SPOCK3: variants seen among roughly 807,000 people sequenced by gnomAD.
SPOCK3 encodes the protein testican-3.
In SPOCK3, 30 loss-of-function variants were observed where a neutral mutation model predicts 56.6. That is an observed-to-expected ratio of 0.53 (90% CI 0.40 to 0.72). The LOEUF (loss-of-function observed/expected upper bound fraction) is 0.72. Ranked by LOEUF, SPOCK3 falls within the 30% of genes least tolerant of loss-of-function variation. SPOCK3 has a pLI of 0.00. For missense variants in SPOCK3, 527 were observed against 530.0 expected, an observed-to-expected ratio of 0.99 and a Z score of 0.06; for synonymous variants, 196 against 183.3, an observed-to-expected ratio of 1.07 and a Z score of -0.56.
intron 5 of SPOCK3, among the ~76,000 whole-genome samples, chr4:166,902,441 T>G (rs1375443379): frequency 6.6e-6 from 1 of 152,074 alleles, no homozygotes; most frequent in Non-Finnish European, 1.5e-5. Context: ...TAAATTCTCT[T>G]CTAATATTTT....
chr4:167,097,477 C>T (rs1759261594), intron 2 of SPOCK3, among the ~76,000 whole-genome samples: 2 of 151,724 alleles, frequency 1.3e-5, no homozygotes, highest in Admixed American at 1.3e-4. Flanking sequence ...TATTATTCTA[C>T]TGGAGTCTTA....
At chr4:167,200,617 A>G (rs1357689293) in intron 2 of SPOCK3, among the ~76,000 whole-genome samples, 1 of 152,050 alleles carries the variant, frequency 6.6e-6, no homozygotes, top group Non-Finnish European at 1.5e-5. Context: ...TAATGAGCAG[A>G]TACTAAGGAG....
At chr4:167,128,089 G>A (rs1194181606) in intron 2 of SPOCK3, among the ~76,000 whole-genome samples, 2 of 151,982 alleles carry the variant, frequency 1.3e-5, no homozygotes, top group Admixed American at 1.3e-4. Flanking sequence ...CTCTTTACTA[G>A]ATCTTTGCTT....
At chr4:166,819,663 T>G (rs1377668229) in intron 6 of SPOCK3, among the ~76,000 whole-genome samples, 3 of 151,770 alleles carry the variant, frequency 2.0e-5, no homozygotes, top group Non-Finnish European at 4.4e-5. Flanking sequence ...AAATTTAACA[T>G]GTACACACTG....
intron 8 of SPOCK3, among the ~76,000 whole-genome samples, chr4:166,743,911 G>A (rs566483529): frequency 2.6e-5 from 4 of 152,176 alleles, no homozygotes; most frequent in Admixed American, 1.3e-4. Context: ...GGGGGAGGGG[G>A]GTCCACCTTT....
chr4:167,194,291 A>C lies in SPOCK3; in HGVS notation c.189+39694T>G, dbSNP rs182402841. The stretch of plus-strand genomic sequence containing the variant: ...TTTCTATTTTTGTATGAGACTTCTT[A>C]TTTTGTTCAACTTCTCATGTTTGTG... On this transcript the variant is annotated intron_variant, in intron 2 of 10. Coordinates refer to ENST00000357545, the MANE Select transcript of SPOCK3 (RefSeq NM_001040159.2). Among the ~76,000 whole-genome samples, 93 of 116,302 alleles carry C rather than the reference A, an allele frequency of 8.0e-4. 8 individuals carry two copies. The highest frequency in any genetic ancestry group is 1.4e-3 in the Non-Finnish European group (80 of 56,968). The allele number at this position is 116,302 out of a possible 152,430, so 76.3% of individuals were successfully genotyped here. A position where few individuals can be genotyped will look rare whatever the true frequency, so the allele number is the denominator to read the frequency against.
chr4:167,080,252 CT>C (rs1171163591), intron 2 of SPOCK3, among the ~76,000 whole-genome samples: 1 of 152,030 alleles, frequency 6.6e-6, no homozygotes, highest in Non-Finnish European at 1.5e-5. Context: ...GACTTATGTT[CT>C]GTTGCACTAG....
chr4:166,816,051 T>C (rs2126742288), intron 6 of SPOCK3, among the ~76,000 whole-genome samples: 2 of 152,230 alleles, frequency 1.3e-5, no homozygotes, highest in South Asian at 4.1e-4. Context: ...GTAGGAACTA[T>C]TTAATAATTC....
intron 4 of SPOCK3, among the ~76,000 whole-genome samples, chr4:166,945,210 A>G (rs1414480523): frequency 2.0e-5 from 3 of 152,202 alleles, no homozygotes; most frequent in African/African-American, 7.2e-5. Flanking sequence ...TGAACCAGGT[A>G]TACTCATTAC....
intron 2 of SPOCK3, among the ~76,000 whole-genome samples, chr4:167,186,079 G>T (rs1281224549): frequency 6.6e-6 from 1 of 152,084 alleles, no homozygotes; most frequent in Non-Finnish European, 1.5e-5. Flanking sequence ...AGAGATGGAA[G>T]AATAATTTAG....
intron 2 of SPOCK3, among the ~76,000 whole-genome samples, chr4:167,222,044 T>C (rs192318925): frequency 9.2e-5 from 14 of 152,132 alleles, no homozygotes; most frequent in Non-Finnish European, 1.9e-4. Flanking sequence ...AGCAAAGAGG[T>C]AGAAGTAACC....
chr4:167,229,648 T>C (rs775508051), intron 2 of SPOCK3, among the ~76,000 whole-genome samples: 10 of 152,142 alleles, frequency 6.6e-5, no homozygotes, highest in Admixed American at 5.9e-4. Flanking sequence ...AAGAATGTTC[T>C]GCTTACTATT....
chr4:166,985,818 C>T (rs1220002484), intron 4 of SPOCK3, among the ~76,000 whole-genome samples: 1 of 152,096 alleles, frequency 6.6e-6, no homozygotes, highest in Non-Finnish European at 1.5e-5. Context: ...CTGCTTATAT[C>T]TCAATAGAAA....
chr4:167,104,253 C>A (rs1466595458), intron 2 of SPOCK3, among the ~76,000 whole-genome samples: 1 of 152,112 alleles, frequency 6.6e-6, no homozygotes, highest in Non-Finnish European at 1.5e-5. Flanking sequence ...CACCAAAAAC[C>A]AATCCTGGAG....
At chr4:166,943,194 T>C (rs185448877) in intron 4 of SPOCK3, among the ~76,000 whole-genome samples, 1 of 152,288 alleles carries the variant, frequency 6.6e-6, no homozygotes, top group Admixed American at 6.5e-5. Flanking sequence ...AATGATAAAG[T>C]GATAATTGCT....
chr4:166,777,430 C>T (rs865862177), intron 7 of SPOCK3, among the ~76,000 whole-genome samples: 1 of 152,170 alleles, frequency 6.6e-6, no homozygotes, highest in African/African-American at 2.4e-5. Context: ...TATTGGTTTG[C>T]TATTACTTAG....
At chr4:166,824,072 TC>T (rs776641871) in intron 6 of SPOCK3, among the ~76,000 whole-genome samples, 10 of 151,934 alleles carry the variant, frequency 6.6e-5, no homozygotes, top group Non-Finnish European at 1.5e-4. Flanking sequence ...GACGGGTCAG[TC>T]CCATTCCAGT....
At position 166,734,451 on chromosome 4, in the gene SPOCK3, A is replaced by T. The variant is rs7674160; in HGVS notation, c.*470T>A. ...GGTATCTCTCTGTTATCCTGACTCA[A>T]CTAGGTCTAGCAAGATGCTACTTTG... On this transcript the variant is annotated 3_prime_UTR_variant, in exon 11 of 11. Coordinates refer to ENST00000357545, the MANE Select transcript of SPOCK3 (RefSeq NM_001040159.2). 0.39 allele frequency: 59,932 copies of T among 152,322 alleles called. 11,962 individuals are homozygous for T. The highest frequency in any genetic ancestry group is 0.46 in the Admixed American group (7,026 of 15,212). 9.4% of individuals were successfully genotyped at this position (152,322 alleles called of 1,614,324 possible).
rs372748529 is a variant in SPOCK3, at chr4:166,851,080, T to C, written c.589+38050A>G. On this transcript the variant is annotated intron_variant, in intron 6 of 10. Transcript: ENST00000357545. ...CTTAAATGTCCCTGTCTGACAGCTTTGAAGAGAGCAGTGGTTCTCCCAGCA... is the reference window on the plus strand; with the variant it reads ...CTTAAATGTCCCTGTCTGACAGCTTCGAAGAGAGCAGTGGTTCTCCCAGCA... Among the ~76,000 whole-genome samples the C allele has an allele frequency of 2.8e-3, 428 of 152,318 alleles. 17 individuals are homozygous for C. The South Asian group carries it at 0.067, about 24-fold the overall frequency.
Sources: gnomAD v4.1 joint callset for allele counts (sites outside exome capture counted in the v4.1 genomes callset) on GRCh38, gnomAD v4.1.1 for gene constraint, MANE v1.5 for transcripts, NCBI Gene and HGNC (gene_info 2026-07-23, HGNC 2026-07-21) for gene names.